Variants in CHRDL1 observed in about 807,000 individuals in gnomAD.
CHRDL1 encodes chordin-like protein 1.
CHRDL1 carries 19 observed loss-of-function variants against 40.9 expected under a neutral mutation model. That is an observed-to-expected ratio of 0.46 (90% CI 0.32 to 0.68). The LOEUF (loss-of-function observed/expected upper bound fraction) is 0.68, where lower values mean the gene tolerates loss of function less well. Among genes scored for constraint, CHRDL1 ranks in the 30% least tolerant of loss-of-function variants. The pLI is 0.03. For synonymous variants in CHRDL1, 136 were observed against 123.4 expected, an observed-to-expected ratio of 1.10 and a Z score of -0.68; for missense variants, 329 against 352.1, an observed-to-expected ratio of 0.93 and a Z score of 0.53.
chrX:110,709,453 C>A (rs966390317), intron 6 of CHRDL1, among the ~76,000 whole-genome samples: 6 of 112,533 alleles, frequency 5.3e-5, no homozygotes, highest in African/African-American at 1.9e-4. Flanking sequence ...GGAATCATTT[C>A]ATCTCTAAAT....
At chrX:110,716,270 G>C (rs1044345255) in intron 6 of CHRDL1, among the ~76,000 whole-genome samples, 3 of 110,492 alleles carry the variant, frequency 2.7e-5, no homozygotes, top group African/African-American at 9.9e-5. Context: ...GGGGAAAAAT[G>C]CACAACAACC....
intron 4 of CHRDL1, among the ~76,000 whole-genome samples, chrX:110,743,828 A>C (rs1470909202): frequency 9.0e-6 from 1 of 111,210 alleles, no homozygotes; most frequent in Non-Finnish European, 1.9e-5. Flanking sequence ...GTGTATGTGA[A>C]AGTGTGTGTG....
At chrX:110,720,439 A>C (rs1248943902) in intron 5 of CHRDL1, among the ~76,000 whole-genome samples, 1 of 112,136 alleles carries the variant, frequency 8.9e-6, no homozygotes, top group African/African-American at 3.2e-5. Flanking sequence ...GGAGAGGATA[A>C]AATTTACTTG....
chrX:110,687,322 C>G (rs1452282503), intron 9 of CHRDL1, among the ~76,000 whole-genome samples: 1 of 111,192 alleles, frequency 9.0e-6, no homozygotes, highest in African/African-American at 3.3e-5. Flanking sequence ...TTAAAAATGC[C>G]ACAGCCCAGG....
intron 4 of CHRDL1, among the ~76,000 whole-genome samples, chrX:110,753,860 C>G (rs1255354444): frequency 8.9e-6 from 1 of 112,140 alleles, no homozygotes; most frequent in Admixed American, 9.4e-5. Flanking sequence ...TGCCATGTAC[C>G]CACCTCATCT....
intron 6 of CHRDL1, among the ~76,000 whole-genome samples, chrX:110,719,287 AT>A (rs1603188519): frequency 1.8e-5 from 2 of 111,936 alleles, no homozygotes; most frequent in South Asian, 3.7e-4. Context: ...TATAAAAAAA[AT>A]AAAACCTAAA....
chrX:110,691,741 G>T (rs1310295377), intron 8 of CHRDL1, among the ~76,000 whole-genome samples: 4 of 111,589 alleles, frequency 3.6e-5, no homozygotes, highest in Admixed American at 1.9e-4. Flanking sequence ...TGCAAGAGCT[G>T]CTAGAATACT....
chrX:110,709,963 C>T (rs1299544248), intron 6 of CHRDL1, among the ~76,000 whole-genome samples: 1 of 111,259 alleles, frequency 9.0e-6, no homozygotes, highest in Non-Finnish European at 1.9e-5. Flanking sequence ...GGTCATGCCA[C>T]TGCACTCCAG....
At chrX:110,676,509 A>C in intron 11 of CHRDL1, 148 bp from the exon 12 acceptor site, 1 of 482,094 alleles carries the variant, frequency 2.1e-6, no homozygotes, top group East Asian at 4.0e-5. Context: ...GGTTTCAAAA[A>C]ATGGCCCCAA....
At chrX:110,683,804 G>A (rs187276890) in intron 9 of CHRDL1, among the ~76,000 whole-genome samples, 2 of 111,529 alleles carry the variant, frequency 1.8e-5, no homozygotes, top group Admixed American at 9.5e-5. Flanking sequence ...TGGGTTAGAT[G>A]AAGGTTGCCA....
At chrX:110,728,917 C>T (rs2071106159) in intron 4 of CHRDL1, among the ~76,000 whole-genome samples, 1 of 112,012 alleles carries the variant, frequency 8.9e-6, no homozygotes, top group South Asian at 3.7e-4. Context: ...AGTGGATCAC[C>T]TGAGGTCAGG....
intron 3 of CHRDL1, 138 bp downstream of exon 3, chrX:110,762,557 G>A (rs775236448): frequency 4.4e-4 from 189 of 431,204 alleles, no homozygotes; most frequent in Non-Finnish European, 6.4e-4. Context: ...GATTATAGGC[G>A]TGAGACAGTG....
intron 6 of CHRDL1, among the ~76,000 whole-genome samples, chrX:110,716,046 A>T (rs929664854): frequency 2.7e-5 from 3 of 112,634 alleles, no homozygotes; most frequent in African/African-American, 9.7e-5. Flanking sequence ...TTGACTTATG[A>T]GGGCTGATGC....
At chrX:110,756,069 T>C (rs372061009) in intron 4 of CHRDL1, among the ~76,000 whole-genome samples, 10 of 112,410 alleles carry the variant, frequency 8.9e-5, no homozygotes, top group African/African-American at 3.2e-4. Context: ...TACTCTTGTT[T>C]TATCTTCAGT....
intron 6 of CHRDL1, among the ~76,000 whole-genome samples, chrX:110,713,932 T>A (rs1381497428): frequency 5.4e-5 from 6 of 111,142 alleles, no homozygotes; most frequent in Non-Finnish European, 9.4e-5. Context: ...TTTGGCAAGA[T>A]GAGCAGGGGA....
intron 4 of CHRDL1, among the ~76,000 whole-genome samples, chrX:110,732,693 T>C (rs2071188282): frequency 9.2e-6 from 1 of 108,732 alleles, no homozygotes; most frequent in African/African-American, 3.4e-5. Flanking sequence ...CTAGGAAGGA[T>C]GGCTTGAGGA....
At chrX:110,767,287 A>G (rs1431102333) in intron 2 of CHRDL1, among the ~76,000 whole-genome samples, 2 of 111,159 alleles carry the variant, frequency 1.8e-5, no homozygotes, top group African/African-American at 3.3e-5. Flanking sequence ...GAGCAAGACA[A>G]GGATGCCCAC....
chrX:110,779,613 G>C (rs1244016548), intron 2 of CHRDL1, among the ~76,000 whole-genome samples: 1 of 111,313 alleles, frequency 9.0e-6, no homozygotes. Flanking sequence ...TTAATAGTAA[G>C]TCTTGAAGTT....
chrX:110,739,641 G>A (rs1051501328), intron 4 of CHRDL1, among the ~76,000 whole-genome samples: 1 of 112,061 alleles, frequency 8.9e-6, no homozygotes, highest in Non-Finnish European at 1.9e-5. Context: ...ATTGTCTTTA[G>A]TCACTAAGAT....
Sources: allele counts gnomAD v4.1 joint callset (sites outside exome capture counted in the v4.1 genomes callset), GRCh38; gene constraint gnomAD v4.1.1; transcripts MANE v1.5; gene names NCBI Gene and HGNC (gene_info 2026-07-23, HGNC 2026-07-21).